FBXO34: variants seen among roughly 807,000 people sequenced by gnomAD.
FBXO34 encodes the protein F-box protein 34.
Under a neutral mutation model 24.5 loss-of-function variants are expected in FBXO34, and 12 were observed. The ratio of observed to expected loss-of-function variants is 0.49; its 90% CI spans 0.31 to 0.79. The LOEUF is 0.79. Among genes scored for constraint, FBXO34 ranks in the 30% least tolerant of loss-of-function variants. The probability of loss-of-function intolerance (pLI) is 0.04; values close to 1 mark genes in which losing one functional copy is unlikely to be tolerated. For synonymous variants in FBXO34, 320 were observed against 311.9 expected, an observed-to-expected ratio of 1.03 and a Z score of -0.27; for missense variants, 823 against 857.7, an observed-to-expected ratio of 0.96 and a Z score of 0.51.
chr14:55,336,308 G>A (rs572848063), intron 1 of FBXO34, among the ~76,000 whole-genome samples: 2 of 152,262 alleles, frequency 1.3e-5, no homozygotes, highest in African/African-American at 4.8e-5. Context: ...GTAGAATAGG[G>A]CAAGAACTTA....
At chr14:55,345,160 T>G (rs763526323) in intron 1 of FBXO34, among the ~76,000 whole-genome samples, 1 of 152,294 alleles carries the variant, frequency 6.6e-6, no homozygotes, top group East Asian at 1.9e-4. Flanking sequence ...CTGCCTCCCC[T>G]GCTCCAAGTA....
intron 1 of FBXO34, among the ~76,000 whole-genome samples, chr14:55,333,154 G>C (rs994079967): frequency 4.6e-5 from 7 of 152,172 alleles, no homozygotes; most frequent in Non-Finnish European, 1.0e-4. Flanking sequence ...ACAAATCCCA[G>C]CAGTCTGTGG....
intron 1 of FBXO34, among the ~76,000 whole-genome samples, chr14:55,306,604 G>A (rs955069249): frequency 1.3e-5 from 2 of 152,064 alleles, no homozygotes; most frequent in Non-Finnish European, 2.9e-5. Context: ...GAGGCCGAGG[G>A]GGCAGATCAC....
At chr14:55,413,871 T>A in the FBXO34 span, 1 of 441,806 alleles carries the variant, frequency 2.3e-6, no homozygotes, top group Non-Finnish European at 4.4e-6. Flanking sequence ...CACTGTAGAC[T>A]CTTCCAGCTT....
At chr14:55,273,622 C>T (rs1369958611) in intron 1 of FBXO34, among the ~76,000 whole-genome samples, 1 of 152,122 alleles carries the variant, frequency 6.6e-6, no homozygotes, top group Non-Finnish European at 1.5e-5. Context: ...CTGAGAGGCA[C>T]TTGAATTATT....
At position 55,276,097 on chromosome 14, in the gene FBXO34, A is replaced by G. The variant is rs187634491; in HGVS notation, c.-11+4560A>G. 4.6e-5 allele frequency among the ~76,000 whole-genome samples: 7 copies of G among 152,290 alleles called. No individual in the cohort carries two copies. The East Asian group carries it at 1.4e-3, about 29-fold the overall frequency. ...AGGCAATCTAAAATTAGAAGCATAG[A>G]AAAGAGGGACAACCCGAATACCTTT... On this transcript the variant is annotated intron_variant, in intron 1 of 1. Transcript: ENST00000313833.
At chr14:55,437,256 G>A in the FBXO34 span, among the ~76,000 whole-genome samples, 1 of 152,232 alleles carries the variant, frequency 6.6e-6, no homozygotes, top group African/African-American at 2.4e-5. Context: ...GCAGGCGGAT[G>A]GCTGGAGGCT....
Position 55,316,564 on chromosome 14 carries a change from C to CAA in FBXO34, c.-10-33801_-10-33800dup, listed in dbSNP as rs35008153. Among the ~76,000 whole-genome samples the CAA allele has an allele frequency of 1.6e-3, 190 of 118,158 alleles. 2 individuals carry two copies. The highest frequency in any genetic ancestry group is 5.0e-3 in the African/African-American group (164 of 32,736). 77.5% of individuals were successfully genotyped at this position (118,158 alleles called of 152,430 possible). A position where few individuals can be genotyped will look rare whatever the true frequency, so the allele number is the denominator to read the frequency against. On this transcript the variant is annotated intron_variant, in intron 1 of 1. Coordinates refer to ENST00000313833, the MANE Select transcript of FBXO34 (RefSeq NM_017943.4). ...CAACATGGCAAAACCCTGTCTCTACCAAAAAAAAAAAAAAAAAGCCTAGCA... is the reference window on the plus strand; with the variant it reads ...CAACATGGCAAAACCCTGTCTCTACCAAAAAAAAAAAAAAAAAAAGCCTAGCA...
chr14:55,354,277 C>T (rs890907353), downstream of FBXO34, among the ~76,000 whole-genome samples: 3 of 152,182 alleles, frequency 2.0e-5, no homozygotes, highest in Admixed American at 6.5e-5. Flanking sequence ...TTGAGGTTTC[C>T]AGTGTTTGTC....
chr14:55,336,868 GCACA>G (rs3051328), intron 1 of FBXO34, among the ~76,000 whole-genome samples: 34 of 144,226 alleles, frequency 2.4e-4, no homozygotes, highest in African/African-American at 6.3e-4. Context: ...ATACATGCAC[GCACA>G]CACACACACA....
chr14:55,334,065 A>C (rs1477243621), intron 1 of FBXO34, among the ~76,000 whole-genome samples: 1 of 152,180 alleles, frequency 6.6e-6, no homozygotes, highest in Non-Finnish European at 1.5e-5. Flanking sequence ...CTGATTACAT[A>C]GGAATGTTTT....
At chr14:55,388,824 C>A in the FBXO34 span, among the ~76,000 whole-genome samples, 1 of 152,164 alleles carries the variant, frequency 6.6e-6, no homozygotes, top group Non-Finnish European at 1.5e-5. Flanking sequence ...CCAACCCTGG[C>A]AAGTCATCAG....
At chr14:55,304,747 G>A (rs1314292005) in intron 1 of FBXO34, among the ~76,000 whole-genome samples, 5 of 152,000 alleles carry the variant, frequency 3.3e-5, no homozygotes, top group African/African-American at 7.3e-5. Flanking sequence ...TGATCCTCCC[G>A]CCTCAGCCTC....
intron 1 of FBXO34, among the ~76,000 whole-genome samples, chr14:55,313,221 G>T (rs1465119815): frequency 6.6e-6 from 1 of 152,084 alleles, no homozygotes; most frequent in Non-Finnish European, 1.5e-5. Context: ...GGGGCAAAAT[G>T]TTACCAGTTT....
At chr14:55,435,924 A>G in the FBXO34 span, 4 of 1,576,028 alleles carry the variant, frequency 2.5e-6, no homozygotes, top group Non-Finnish European at 3.4e-6. Flanking sequence ...TTTACAGTGG[A>G]AACTATATTC....
chr14:55,300,269 A>G lies in FBXO34; in HGVS notation c.-11+28732A>G, dbSNP rs551226141. Among the ~76,000 whole-genome samples the G allele has an allele frequency of 2.1e-4, 32 of 152,142 alleles. No homozygotes were observed. The South Asian group carries it at 5.6e-3, about 27-fold the overall frequency. On this transcript the variant is annotated intron_variant, in intron 1 of 1. Coordinates refer to ENST00000313833, the MANE Select transcript of FBXO34 (RefSeq NM_017943.4). The stretch of plus-strand genomic sequence containing the variant: ...GCTTTAGTCTATAGTCCATTTTACT[A>G]CCTCTCTTTGGTAATGTTTTTTGTT...
At chr14:55,272,953 A>G (rs1345886693) in intron 1 of FBXO34, among the ~76,000 whole-genome samples, 1 of 152,242 alleles carries the variant, frequency 6.6e-6, no homozygotes, top group Non-Finnish European at 1.5e-5. Flanking sequence ...AAGCTTTCAG[A>G]AGAGATCTAA....
intron 1 of FBXO34, among the ~76,000 whole-genome samples, chr14:55,288,240 T>G (rs1881828066): frequency 6.6e-6 from 1 of 152,220 alleles, no homozygotes. Flanking sequence ...AAACAAGGTT[T>G]TCCAAAAGGA....
chr14:55,336,547 G>C (rs993364851), intron 1 of FBXO34, among the ~76,000 whole-genome samples: 1 of 152,074 alleles, frequency 6.6e-6, no homozygotes, highest in Non-Finnish European at 1.5e-5. Context: ...CATTTGTTTA[G>C]TTCTCCTTTT....
Sources: gnomAD v4.1 joint callset for allele counts (sites outside exome capture counted in the v4.1 genomes callset) on GRCh38, gnomAD v4.1.1 for gene constraint, MANE v1.5 for transcripts, NCBI Gene and HGNC (gene_info 2026-07-23, HGNC 2026-07-21) for gene names.